ERG: variants seen among roughly 807,000 people sequenced by gnomAD.
The protein encoded by ERG is ETS transcription factor ERG, also known as transcriptional regulator ERG.
Under a neutral mutation model 55.3 loss-of-function variants are expected in ERG, and 9 were observed. The ratio of observed to expected loss-of-function variants is 0.16; its 90% CI spans 0.10 to 0.28. The LOEUF is 0.28. Among genes scored for constraint, ERG ranks in the 10% least tolerant of loss-of-function variants. The probability of loss-of-function intolerance (pLI) is 1.00; values close to 1 mark genes in which losing one functional copy is unlikely to be tolerated. For missense variants in ERG, 434 were observed against 631.6 expected (o/e 0.69, Z 3.35); for synonymous variants, 223 against 237.3 (o/e 0.94, Z 0.55).
chr21:38,514,844 T>G (rs540830404), intron 2 of ERG, among the ~76,000 whole-genome samples: 2 of 152,082 alleles, frequency 1.3e-5, no homozygotes, highest in East Asian at 3.9e-4. Flanking sequence ...ACACAGAATT[T>G]CCAAGAGAAT....
intron 1 of ERG, among the ~76,000 whole-genome samples, chr21:38,590,052 T>C (rs2060090460): frequency 6.6e-6 from 1 of 152,208 alleles, no homozygotes. Context: ...TTAGCTCAGC[T>C]CATAGATCTC....
In ERG at chr21:38,382,222, T is replaced by C. The variant is rs1183453662; in HGVS notation, c.*1181A>G. The C allele has an allele frequency of 3.6e-5, 38 of 1,046,032 alleles. No individual in the cohort carries two copies. Among genetic ancestry groups the C allele is most frequent in the Non-Finnish European group, 4.3e-5 (37 of 866,032 alleles). The allele number at this position is 1,046,032 out of a possible 1,614,324, so 64.8% of individuals were successfully genotyped here. A position where few individuals can be genotyped will look rare whatever the true frequency, so the allele number is the denominator to read the frequency against. ...TGTATAAATGCATAAGTTATATAAT[T>C]ATTATATAAAAAGGGGGAAAAACAT... On this transcript the variant is annotated 3_prime_UTR_variant, in exon 10 of 10. Transcript: ENST00000288319.
intron 2 of ERG, among the ~76,000 whole-genome samples, chr21:38,527,021 A>AG (rs1395503537): frequency 6.6e-6 from 1 of 152,280 alleles, no homozygotes; most frequent in East Asian, 1.9e-4. Context: ...ATTCCTAAGA[A>AG]GGGACTGAAT....
chr21:38,612,909 C>T (rs965226457), intron 1 of ERG, among the ~76,000 whole-genome samples: 1 of 152,204 alleles, frequency 6.6e-6, no homozygotes, highest in Non-Finnish European at 1.5e-5. Context: ...GATCCACCCA[C>T]CTTGGCCTCC....
At chr21:38,566,706 C>G (rs2059925256) in intron 2 of ERG, among the ~76,000 whole-genome samples, 2 of 152,012 alleles carry the variant, frequency 1.3e-5, no homozygotes, top group Non-Finnish European at 2.9e-5. Context: ...AATGAAGAAA[C>G]AAAGAAACAA....
rs777913910 is a variant in ERG, at chr21:38,457,351, G to A, written c.19-11730C>T. Reference sequence around the variant, plus strand: ...CTCAGGAGGCTGAGGCAGGAGAATCGCTTGAACCTGGGGGACAGAGGTTGC... The same window carrying A: ...CTCAGGAGGCTGAGGCAGGAGAATCACTTGAACCTGGGGGACAGAGGTTGC... On this transcript the variant is annotated intron_variant, in intron 1 of 9. Transcript: ENST00000288319. Among the ~76,000 whole-genome samples, 10 of 151,958 alleles carry A rather than the reference G, an allele frequency of 6.6e-5. No individual in the cohort carries two copies. In the Middle Eastern group the frequency reaches 0.014, roughly 208 times the overall value.
At chr21:38,578,674 C>G (rs574077215) in intron 1 of ERG, among the ~76,000 whole-genome samples, 1 of 152,110 alleles carries the variant, frequency 6.6e-6, no homozygotes, top group African/African-American at 2.4e-5. Context: ...ACCAAGACTA[C>G]GTTTGATCAT....
chr21:38,602,941 C>T (rs930152273), intron 1 of ERG, among the ~76,000 whole-genome samples: 1 of 151,900 alleles, frequency 6.6e-6, no homozygotes, highest in African/African-American at 2.4e-5. Flanking sequence ...GAGCTTCATG[C>T]CTCAACTCAG....
rs78799336 is a variant in ERG at position 38,602,007 on chromosome 21, A to G, written c.-149-17062T>C. Among the ~76,000 whole-genome samples, 1,263 of 152,286 alleles carry G rather than the reference A, an allele frequency of 8.3e-3. 17 individuals are homozygous for G. Among genetic ancestry groups the G allele is most frequent in the African/African-American group, 0.028 (1,168 of 41,552 alleles). On this transcript the variant is annotated intron_variant, in intron 1 of 10. Transcript: ENST00000398910. ...AGCAATCCTTAAAGAAGCATATTTC[A>G]TAAAGAACACTTCTGAGTCACTTCT...
chr21:38,502,667 C>G (rs1177875108), upstream of ERG: 1 of 152,560 alleles, frequency 6.6e-6, no homozygotes, highest in Non-Finnish European at 1.5e-5. Flanking sequence ...CTCCAAAGGG[C>G]CTGTTTCACT....
chr21:38,504,566 C>A (rs925553042), intron 2 of ERG, among the ~76,000 whole-genome samples: 1 of 152,192 alleles, frequency 6.6e-6, no homozygotes, highest in Non-Finnish European at 1.5e-5. Context: ...AAATGAGTTT[C>A]AACTTCTTTG....
At chr21:38,445,366 G>T (rs1435575672) in intron 2 of ERG, 38 bp downstream of exon 2, 1 of 1,521,800 alleles carries the variant, frequency 6.6e-7, no homozygotes, top group Non-Finnish European at 9.1e-7. Context: ...ATAGGAAAAT[G>T]GGAGGTCAGG....
intron 1 of ERG, among the ~76,000 whole-genome samples, chr21:38,624,108 G>T (rs945562923): frequency 1.3e-4 from 20 of 152,122 alleles, no homozygotes; most frequent in African/African-American, 4.8e-4. Flanking sequence ...CTAACCACAT[G>T]ACTTGGCAGC....
At chr21:38,551,158 G>GT (rs60943753) in intron 2 of ERG, among the ~76,000 whole-genome samples, 75,662 of 149,192 alleles carry the variant, frequency 0.51, 20,241 homozygotes, top group Non-Finnish European at 0.62. Context: ...AGTCTCTGAG[G>GT]TTTTTTTTTT....
intron 2 of ERG, among the ~76,000 whole-genome samples, chr21:38,541,691 G>T (rs558140959): frequency 6.6e-6 from 1 of 152,220 alleles, no homozygotes; most frequent in African/African-American, 2.4e-5. Context: ...ATATATGTAG[G>T]ATAAATAATT....
chr21:38,528,102 C>T (rs8127366), intron 2 of ERG, among the ~76,000 whole-genome samples: 57,957 of 151,550 alleles, frequency 0.38, 11,164 homozygotes, highest in African/African-American at 0.45. Context: ...TGTTCCTTGG[C>T]TTATAGAAGC....
rs1366185822 is a variant in ERG at position 38,460,054 on chromosome 21, G to C, written c.19-14433C>G. Among the ~76,000 whole-genome samples, 1 of 152,194 alleles carries C rather than the reference G, an allele frequency of 6.6e-6. No individual in the cohort carries two copies. Among genetic ancestry groups the C allele is most frequent in the African/African-American group, 2.4e-5 (1 of 41,428 alleles). On this transcript the variant is annotated intron_variant, in intron 1 of 9. Coordinates refer to ENST00000288319, the MANE Select transcript of ERG (RefSeq NM_182918.4). This position sits in a 1 kb window ranked among gnomAD's most constrained non-coding sequence, Gnocchi z 5.0. ...GCTGCTTTTCATTTAGAGTGGCCAG[G>C]GTGGTCCTGAGAAAACGCGAAGGAG...
intron 2 of ERG, among the ~76,000 whole-genome samples, chr21:38,517,503 T>C (rs1391622895): frequency 6.6e-6 from 1 of 152,080 alleles, no homozygotes; most frequent in East Asian, 1.9e-4. Flanking sequence ...TCTTCTACAC[T>C]GTGAGTGGGA....
intron 1 of ERG, among the ~76,000 whole-genome samples, chr21:38,650,849 T>A (rs1321047553): frequency 6.6e-6 from 1 of 152,222 alleles, no homozygotes; most frequent in Non-Finnish European, 1.5e-5. Flanking sequence ...GATCAAATAG[T>A]GTGAATATGT....
Sources: gnomAD v4.1 joint callset for allele counts (sites outside exome capture counted in the v4.1 genomes callset) on GRCh38, gnomAD v4.1.1 for gene constraint, Gnocchi (gnomAD v3.1) non-coding constraint, MANE v1.5 for transcripts, NCBI Gene and HGNC (gene_info 2026-07-23, HGNC 2026-07-21) for gene names.